The following TTC39C variants were observed in gnomAD, a reference collection of about 807,000 sequenced individuals.
TTC39C encodes tetratricopeptide repeat protein 39C.
TTC39C carries 33 observed loss-of-function variants against 76.3 expected under a neutral mutation model. That is an observed-to-expected ratio of 0.43 (90% CI 0.33 to 0.58). TTC39C has a LOEUF of 0.58. TTC39C is among the 20% of genes least tolerant of loss of function. The pLI is 0.04. For missense variants in TTC39C, 595 were observed against 701.4 expected (o/e 0.85, Z 1.71); for synonymous variants, 254 against 260.6 (o/e 0.97, Z 0.24).
At chr18:24,033,718 C>A (rs1325877536) in intron 1 of TTC39C, among the ~76,000 whole-genome samples, 3 of 152,226 alleles carry the variant, frequency 2.0e-5, no homozygotes, top group African/African-American at 7.2e-5. Context: ...TAGCCACTAG[C>A]TTTTCAGGCC....
chr18:24,121,794 A>G (rs925705354), intron 8 of TTC39C, among the ~76,000 whole-genome samples: 1 of 152,106 alleles, frequency 6.6e-6, no homozygotes, highest in East Asian at 1.9e-4. Flanking sequence ...TCATTGATTT[A>G]CTCTGTGACC....
intron 1 of TTC39C, among the ~76,000 whole-genome samples, chr18:23,996,340 G>A (rs2083261193): frequency 6.6e-6 from 1 of 152,204 alleles, no homozygotes; most frequent in Admixed American, 6.5e-5. Flanking sequence ...AGTTTGGGAA[G>A]CACTGCGTCA....
intron 1 of TTC39C, among the ~76,000 whole-genome samples, chr18:24,047,834 T>A (rs1018909463): frequency 7.9e-5 from 12 of 152,236 alleles, no homozygotes; most frequent in African/African-American, 2.9e-4. Flanking sequence ...GACAGTTCCG[T>A]AGAGGAGATA....
chr18:24,111,814 A>G (rs1226275591), intron 6 of TTC39C, among the ~76,000 whole-genome samples: 2 of 151,994 alleles, frequency 1.3e-5, no homozygotes, highest in East Asian at 1.9e-4. Flanking sequence ...AGATGGGAGT[A>G]TCTCTTGAGC....
At chr18:24,045,984 G>A (rs112559219) in intron 1 of TTC39C, among the ~76,000 whole-genome samples, 4,064 of 121,290 alleles carry the variant, frequency 0.034, 260 homozygotes, top group African/African-American at 0.12. Flanking sequence ...TGTCACCCAG[G>A]CTGGAGTGCG....
upstream of TTC39C, among the ~76,000 whole-genome samples, chr18:24,014,083 A>T (rs1464217925): frequency 6.6e-6 from 1 of 152,246 alleles, no homozygotes; most frequent in Non-Finnish European, 1.5e-5. Context: ...GCAGTCCCGC[A>T]GCGCGGGGCT....
chr18:24,046,233 C>T (rs1250954655), intron 1 of TTC39C, among the ~76,000 whole-genome samples: 1 of 148,870 alleles, frequency 6.7e-6, no homozygotes, highest in Non-Finnish European at 1.5e-5. Flanking sequence ...CCACCGTGCC[C>T]AGCCTGTGAA....
chr18:24,020,265 A>G lies in TTC39C; in HGVS notation c.167+5227A>G, dbSNP rs935212878. The G allele has an allele frequency of 8.9e-6, 9 of 1,012,750 alleles. 1 individual carries two copies. The South Asian group carries it at 3.7e-4, about 41-fold the overall frequency. The allele number at this position is 1,012,750 out of a possible 1,614,324, so 62.7% of individuals were successfully genotyped here. The stretch of plus-strand genomic sequence containing the variant: ...CTATTACACTGTCTGAAAAGGTCCT[A>G]ATTAAATATTCATTAAAGATTCATT... On this transcript the variant is annotated intron_variant, in intron 1 of 13. Coordinates refer to ENST00000317571, the MANE Select transcript of TTC39C (RefSeq NM_001135993.2).
intron 1 of TTC39C, among the ~76,000 whole-genome samples, chr18:24,035,834 C>T (rs1055042463): frequency 1.3e-5 from 2 of 152,136 alleles, no homozygotes; most frequent in Non-Finnish European, 2.9e-5. Context: ...CCTTTGGTAT[C>T]ACATCCAAGA....
chr18:24,031,568 G>A (rs888769703), intron 1 of TTC39C, among the ~76,000 whole-genome samples: 2 of 152,132 alleles, frequency 1.3e-5, no homozygotes, highest in African/African-American at 2.4e-5. Flanking sequence ...TGCCTCTCAA[G>A]TATCTGTTGA....
intron 3 of TTC39C, among the ~76,000 whole-genome samples, chr18:24,068,546 A>G (rs1424128010): frequency 6.6e-6 from 1 of 152,244 alleles, no homozygotes; most frequent in Non-Finnish European, 1.5e-5. Flanking sequence ...TTTTAGAAAC[A>G]TTATGATAAA....
chr18:24,023,944 ATGCAT>A (rs1247800894), intron 1 of TTC39C, among the ~76,000 whole-genome samples: 1 of 23,926 alleles, frequency 4.2e-5, no homozygotes, highest in Admixed American at 4.8e-4. Context: ...ATATATATAT[ATGCAT>A]GTATATATAT....
intron 6 of TTC39C, among the ~76,000 whole-genome samples, chr18:24,101,412 TC>T (rs1202592302): frequency 2.0e-5 from 3 of 151,506 alleles, no homozygotes; most frequent in Non-Finnish European, 2.9e-5. Context: ...ATCGAGACCA[TC>T]CTGGCCAACA....
chr18:23,998,836 G>A (rs1166127791), intron 1 of TTC39C, among the ~76,000 whole-genome samples: 1 of 98,446 alleles, frequency 1.0e-5, no homozygotes, highest in Non-Finnish European at 2.3e-5. Context: ...GCACTCAAGT[G>A]GTAAACTACT....
At chr18:24,070,346 C>T (rs1248704896) in intron 4 of TTC39C, among the ~76,000 whole-genome samples, 1 of 152,122 alleles carries the variant, frequency 6.6e-6, no homozygotes, top group Non-Finnish European at 1.5e-5. Context: ...CAATACCTTA[C>T]TTATATGGTC....
At chr18:24,028,587 C>T (rs2083625521) in intron 1 of TTC39C, among the ~76,000 whole-genome samples, 1 of 152,204 alleles carries the variant, frequency 6.6e-6, no homozygotes. Flanking sequence ...GAAAGATGGA[C>T]ATTTTCTATG....
intron 1 of TTC39C, among the ~76,000 whole-genome samples, chr18:24,044,390 G>T (rs2083837570): frequency 6.6e-6 from 1 of 152,206 alleles, no homozygotes; most frequent in Non-Finnish European, 1.5e-5. Flanking sequence ...CTCAGAGCCT[G>T]GCAGTTGCAT....
intron 4 of TTC39C, 103 bp from the exon 5 acceptor site, chr18:24,080,482 C>A: frequency 1.2e-6 from 1 of 834,360 alleles, no homozygotes; most frequent in Non-Finnish European, 1.8e-6. Context: ...ATGTTTTTTA[C>A]ATTTTTGGCT....
chr18:24,033,313 T>G (rs1329312370), intron 1 of TTC39C, among the ~76,000 whole-genome samples: 1 of 152,230 alleles, frequency 6.6e-6, no homozygotes, highest in Non-Finnish European at 1.5e-5. Context: ...TTTGGTAGCC[T>G]TGTCTTCCAT....
Sources: gnomAD v4.1 joint callset for allele counts (sites outside exome capture counted in the v4.1 genomes callset) on GRCh38, gnomAD v4.1.1 for gene constraint, MANE v1.5 for transcripts, NCBI Gene and HGNC (gene_info 2026-07-23, HGNC 2026-07-21) for gene names.